Variants in GABRG3 observed in about 807,000 individuals in gnomAD.
The protein encoded by GABRG3 is gamma-aminobutyric acid type A receptor subunit gamma3, also known as gamma-aminobutyric acid receptor subunit gamma-3.
GABRG3 carries 25 observed loss-of-function variants against 48.8 expected under a neutral mutation model. That is an observed-to-expected ratio of 0.51 (90% CI 0.37 to 0.72). The LOEUF (loss-of-function observed/expected upper bound fraction) is 0.72, where lower values mean the gene tolerates loss of function less well. Ranked by LOEUF, GABRG3 falls within the 30% of genes least tolerant of loss-of-function variation. GABRG3 has a pLI of 0.00. For missense variants in GABRG3, 394 were observed against 577.9 expected (o/e 0.68, Z 3.26); for synonymous variants, 227 against 217.6 (o/e 1.04, Z -0.38).
intron 3 of GABRG3, among the ~76,000 whole-genome samples, chr15:27,192,990 C>CAGAAG (rs1888373168): frequency 6.6e-6 from 1 of 152,132 alleles, no homozygotes; most frequent in East Asian, 1.9e-4. Context: ...ACTCCAGACC[C>CAGAAG]TGTTTGCCTG....
intron 6 of GABRG3, among the ~76,000 whole-genome samples, chr15:27,488,118 C>T (rs1890263861): frequency 6.6e-6 from 1 of 152,178 alleles, no homozygotes; most frequent in African/African-American, 2.4e-5. Context: ...TTCCTGCCCA[C>T]ATCCTAGCAA....
At chr15:27,145,625 C>CTATCTATCATCTATCTATCTATCTATT (rs1566946640) in intron 3 of GABRG3, among the ~76,000 whole-genome samples, 1 of 76,442 alleles carries the variant, frequency 1.3e-5, no homozygotes, top group Non-Finnish European at 3.2e-5. Context: ...ATCTATCTAT[C>CTATCTATCATCTATCTATCTATCTATT]TATCTATCTA....
chr15:27,228,682 A>G (rs1156929073), intron 3 of GABRG3, among the ~76,000 whole-genome samples: 10 of 152,154 alleles, frequency 6.6e-5, no homozygotes, highest in Non-Finnish European at 2.9e-5. Context: ...GCTCCCACCA[A>G]CAGTGTATAA....
intron 5 of GABRG3, among the ~76,000 whole-genome samples, chr15:27,429,148 A>G (rs1001083228): frequency 1.3e-5 from 2 of 152,220 alleles, no homozygotes; most frequent in African/African-American, 4.8e-5. Flanking sequence ...TTACTTGACC[A>G]CACTAATAGT....
intron 5 of GABRG3, among the ~76,000 whole-genome samples, chr15:27,472,565 C>T (rs1889818330): frequency 6.6e-6 from 1 of 152,044 alleles, no homozygotes; most frequent in Admixed American, 6.6e-5. Flanking sequence ...TGTGAGCCAC[C>T]GCTCCTGGCA....
intron 3 of GABRG3, among the ~76,000 whole-genome samples, chr15:27,192,397 C>T (rs577969422): frequency 4.7e-4 from 71 of 152,270 alleles, no homozygotes; most frequent in African/African-American, 1.6e-3. Context: ...CACATAGTCC[C>T]GTATTTCTTG....
chr15:27,052,477 T>C (rs1462315820), intron 3 of GABRG3, among the ~76,000 whole-genome samples: 1 of 152,136 alleles, frequency 6.6e-6, no homozygotes, highest in Non-Finnish European at 1.5e-5. Context: ...AATCTAAGCA[T>C]AAGGCCCTTC....
At chr15:27,518,195 C>CAAAAAAAAAGAAAAAAAAA (rs1891069756) in intron 6 of GABRG3, among the ~76,000 whole-genome samples, 1 of 88,032 alleles carries the variant, frequency 1.1e-5, no homozygotes, top group African/African-American at 4.3e-5. Context: ...ACTAAAAATA[C>CAAAAAAAAAGAAAAAAAAA]AAAAAAAAAA....
intron 3 of GABRG3, among the ~76,000 whole-genome samples, chr15:27,152,692 C>T (rs73373418): frequency 0.046 from 6,939 of 152,048 alleles, 550 homozygotes; most frequent in African/African-American, 0.16. Flanking sequence ...TCTTTTGTCC[C>T]TTTTCTAATT....
intron 3 of GABRG3, among the ~76,000 whole-genome samples, chr15:27,068,050 C>T (rs1372795439): frequency 2.6e-5 from 4 of 152,138 alleles, no homozygotes; most frequent in South Asian, 2.1e-4. Context: ...AAATAGATAC[C>T]TAAGGAGGGA....
intron 6 of GABRG3, among the ~76,000 whole-genome samples, chr15:27,491,088 A>G (rs1182545716): frequency 6.6e-6 from 1 of 152,190 alleles, no homozygotes; most frequent in East Asian, 1.9e-4. Context: ...TTTTGCAAGC[A>G]CCTGGCCCTT....
At chr15:27,401,410 A>G (rs1303750097) in intron 5 of GABRG3, among the ~76,000 whole-genome samples, 1 of 152,240 alleles carries the variant, frequency 6.6e-6, no homozygotes, top group East Asian at 1.9e-4. Flanking sequence ...CCTCATCCCT[A>G]AAGTATTTCA....
intron 5 of GABRG3, among the ~76,000 whole-genome samples, chr15:27,444,531 T>C (rs1228024637): frequency 6.6e-6 from 1 of 152,202 alleles, no homozygotes; most frequent in East Asian, 1.9e-4. Flanking sequence ...GTTTTAAATA[T>C]GTTTCTTGAA....
intron 3 of GABRG3, among the ~76,000 whole-genome samples, chr15:27,145,669 C>T (rs1898197331): frequency 6.7e-6 from 1 of 150,004 alleles, no homozygotes; most frequent in African/African-American, 2.5e-5. Flanking sequence ...ATCTATTGTG[C>T]CAGAAGGAGA....
At chr15:27,348,870 T>C (rs923772746) in intron 5 of GABRG3, among the ~76,000 whole-genome samples, 3 of 151,860 alleles carry the variant, frequency 2.0e-5, no homozygotes, top group East Asian at 1.9e-4. Flanking sequence ...CAGTGGAAAA[T>C]AGAGGGAAGG....
In GABRG3 at chr15:27,301,860, T is replaced by C. The variant is rs542318841; in HGVS notation, c.271-24949T>C. On this transcript the variant is annotated intron_variant, in intron 3 of 9. Coordinates refer to ENST00000615808, the MANE Select transcript of GABRG3 (RefSeq NM_033223.5). ...AACCTATAGTGGAACAGTGATTCAA[T>C]AATGGTGGCTTTCTCATCAGAAACC... Among the ~76,000 whole-genome samples, 4 of 152,144 alleles carry C rather than the reference T, an allele frequency of 2.6e-5. No individual in the cohort carries two copies. The South Asian group carries it at 8.3e-4, about 32-fold the overall frequency.
intron 5 of GABRG3, chr15:27,341,055 T>C: frequency 2.1e-6 from 1 of 468,004 alleles, no homozygotes; most frequent in Non-Finnish European, 4.2e-6. Flanking sequence ...TGAAAGCTTC[T>C]TCAAACTACT....
chr15:27,001,850 GA>G (rs1469068503), intron 2 of GABRG3, among the ~76,000 whole-genome samples: 1 of 142,772 alleles, frequency 7.0e-6, no homozygotes, highest in African/African-American at 2.6e-5. Context: ...AGAGATGGCA[GA>G]AGGGGACTTT....
rs150722146 is a variant in GABRG3, at chr15:27,083,265, G to A, written c.270+56444G>A. The stretch of plus-strand genomic sequence containing the variant: ...TCATTTTTTTCCTGACTTTCATTCA[G>A]AAAGGAAGTGGCATCAAAATTTTAG... On this transcript the variant is annotated intron_variant, in intron 3 of 9. Transcript: ENST00000615808. 8.9e-4 allele frequency among the ~76,000 whole-genome samples: 135 copies of A among 151,570 alleles called. 2 individuals carry two copies. The East Asian group carries it at 0.021, about 24-fold the overall frequency.
Sources: allele counts gnomAD v4.1 joint callset (sites outside exome capture counted in the v4.1 genomes callset), GRCh38; gene constraint gnomAD v4.1.1; transcripts MANE v1.5; gene names NCBI Gene and HGNC (gene_info 2026-07-23, HGNC 2026-07-21).